BTAF1: variants seen among roughly 807,000 people sequenced by gnomAD.
BTAF1 encodes the protein TATA-binding protein-associated factor 172.
Under a neutral mutation model 227.1 loss-of-function variants are expected in BTAF1, and 38 were observed. The observed-to-expected ratio is 0.17, with a 90% CI of 0.13 to 0.22. The LOEUF (loss-of-function observed/expected upper bound fraction) is 0.22, where lower values mean the gene tolerates loss of function less well. BTAF1 is among the 10% of genes least tolerant of loss of function. The pLI is 1.00. For missense variants in BTAF1, 1,598 were observed against 2,204.0 expected (o/e 0.73, Z 5.51); for synonymous variants, 742 against 751.9 (o/e 0.99, Z 0.21).
At chr10:91,973,502 C>A (rs1847457684) in intron 14 of BTAF1, among the ~76,000 whole-genome samples, 1 of 152,046 alleles carries the variant, frequency 6.6e-6, no homozygotes, top group African/African-American at 2.4e-5. Context: ...TAATAATAAT[C>A]TAAGCTGTTG....
rs1431814979 is a variant in BTAF1 at position 91,993,824 on chromosome 10, A to G, written c.3176A>G (p.Asn1059Ser). The stretch of plus-strand genomic sequence containing the variant: ...GATGCTATGGTTGGCCCATTGAGGA[A>G]TACAATCGACATAAATAATTTTGGT... ...LWDAMVGPLR[N>S]TIDINNFDGK... is the part of the protein sequence containing the mutation. The change falls in exon 22 of 38, where the codon AAT (asparagine) becomes AGT (serine). Residue 1059 changes from asparagine (N) to serine (S), a missense_variant. Asn to Ser is a conservative substitution (Grantham distance 46, BLOSUM62 1). Around this residue, in one of 10 missense-constraint regions of BTAF1, gnomAD observed 425 missense variants for 491.2 expected, o/e 0.87. Transcript: ENST00000265990. 5 of 1,597,152 alleles carry G rather than the reference A, an allele frequency of 3.1e-6. No individual in the cohort carries two copies. Among genetic ancestry groups the G allele is most frequent in the African/African-American group, 2.7e-5 (2 of 74,484 alleles).
intron 19 of BTAF1, among the ~76,000 whole-genome samples, chr10:91,985,714 C>T (rs59177816): frequency 2.0e-5 from 3 of 152,062 alleles, no homozygotes; most frequent in Non-Finnish European, 4.4e-5. Flanking sequence ...TCCTTGATGA[C>T]TAATATGTTG....
At chr10:91,943,081 A>G (rs1020496071) in intron 4 of BTAF1, among the ~76,000 whole-genome samples, 1 of 152,200 alleles carries the variant, frequency 6.6e-6, no homozygotes, top group Admixed American at 6.5e-5. Flanking sequence ...TGAGAGGCCA[A>G]GGTGGGTGGA....
At chr10:92,019,641 C>T (rs1850978890) in intron 34 of BTAF1, among the ~76,000 whole-genome samples, 1 of 152,178 alleles carries the variant, frequency 6.6e-6, no homozygotes, top group African/African-American at 2.4e-5. Flanking sequence ...ACCAGGGTTC[C>T]AGTTTCTTCA....
At chr10:91,935,888 C>T (rs1253495347) in intron 2 of BTAF1, 108 bp downstream of exon 2, 25 of 1,095,454 alleles carry the variant, frequency 2.3e-5, no homozygotes, top group South Asian at 1.4e-4. Flanking sequence ...AACATTTTTG[C>T]TATTTCTTTT....
Position 91,992,125 on chromosome 10 carries a change from C to T in BTAF1, c.2861C>T (p.Thr954Ile). The change falls in exon 21 of 38, where the codon ACC becomes ATC. Residue 954 changes from threonine to isoleucine, a missense_variant. Thr to Ile is a moderately conservative substitution (Grantham distance 89, BLOSUM62 -1). Around this residue, in one of 10 missense-constraint regions of BTAF1, gnomAD observed 425 missense variants for 491.2 expected, o/e 0.87. Coordinates refer to ENST00000265990, the MANE Select transcript of BTAF1 (RefSeq NM_003972.3). ...QSGQENSKGS[T>I]SEKDGMHHTV... ...TTAACTTTTTTCTTATTAGGATCCACCTCAGAAAAAGATGGAATGCACCAT... is the reference window on the plus strand; with the variant it reads ...TTAACTTTTTTCTTATTAGGATCCATCTCAGAAAAAGATGGAATGCACCAT... 1 of 1,564,882 alleles carries T rather than the reference C, an allele frequency of 6.4e-7. No individual in the cohort carries two copies. The highest frequency in any genetic ancestry group is 1.2e-5 in the South Asian group (1 of 83,032).
At position 92,024,693 on chromosome 10, in the gene BTAF1, A is replaced by AG. The variant is rs1209007251; in HGVS notation, c.4864-62dup. 2.4e-5 allele frequency: 32 copies of AG among 1,334,240 alleles called. No individual in the cohort carries two copies. In the Admixed American group the frequency reaches 4.9e-4, roughly 20 times the overall value. 82.7% of individuals were successfully genotyped at this position (1,334,240 alleles called of 1,614,324 possible). A position where few individuals can be genotyped will look rare whatever the true frequency, so the allele number is the denominator to read the frequency against. On this transcript the variant is annotated intron_variant, in intron 34 of 37. Transcript: ENST00000265990. ...TTCTTGCCACAGAGAGGAATGTCAC[A>AG]GTGAGATTAGTTTTCTGCTTTTATT...
chr10:92,014,643 T>C (rs963055117), intron 32 of BTAF1, among the ~76,000 whole-genome samples: 1 of 152,250 alleles, frequency 6.6e-6, no homozygotes, highest in African/African-American at 2.4e-5. Flanking sequence ...TGTCATGCTG[T>C]CCTCACAACA....
chr10:91,950,315 T>C (rs1379324898), intron 4 of BTAF1, among the ~76,000 whole-genome samples: 4 of 152,056 alleles, frequency 2.6e-5, no homozygotes, highest in African/African-American at 4.8e-5. Flanking sequence ...TCCCATCTTT[T>C]TAAGTACTGA....
In BTAF1 at chr10:92,030,698, TGTG is replaced by T. The variant is rs1851836589; in HGVS notation, c.*1766_*1768del. ...ACTTTCTGAGAGTTTAATCAAAAGG[TGTG>T]TATTTCTAGAAGGATGACTAGAAAA... On this transcript the variant is annotated 3_prime_UTR_variant, in exon 38 of 38. Coordinates refer to ENST00000265990, the MANE Select transcript of BTAF1 (RefSeq NM_003972.3). 1.3e-5 allele frequency among the ~76,000 whole-genome samples: 2 copies of T among 152,060 alleles called. No individual in the cohort carries two copies. Among genetic ancestry groups the T allele is most frequent in the Admixed American group, 1.3e-4 (2 of 15,252 alleles).
intron 34 of BTAF1, 24 bp from the exon 35 acceptor site, chr10:92,024,732 G>GTTTTTTTGGT (rs66512665): frequency 1.6e-6 from 2 of 1,268,016 alleles, no homozygotes; most frequent in Non-Finnish European, 2.2e-6. Context: ...CGCTTATGTA[G>GTTTTTTTGGT]TTTTTTTTTT....
chr10:91,972,626 C>T (rs1847385026), intron 14 of BTAF1, among the ~76,000 whole-genome samples: 1 of 152,148 alleles, frequency 6.6e-6, no homozygotes, highest in Non-Finnish European at 1.5e-5. Context: ...ATGCTTTTAT[C>T]TGTTATTGTA....
chr10:91,963,219 C>T (rs554137415), intron 12 of BTAF1, among the ~76,000 whole-genome samples: 7 of 152,034 alleles, frequency 4.6e-5, no homozygotes, highest in African/African-American at 1.7e-4. Context: ...CTGCCTCAGC[C>T]TCCTAAGTAG....
At position 91,992,249 on chromosome 10, in the gene BTAF1, A is replaced by G; in HGVS notation, c.2985A>G (p.Lys995=). ...SRRGPTPKAV[K]AQIADLPAGS... ...GAGGTCCTACCCCCAAAGCAGTAAAAGCTCAAATAGCAGATCTTCCTGCAG... is the reference window on the plus strand; with the variant it reads ...GAGGTCCTACCCCCAAAGCAGTAAAGGCTCAAATAGCAGATCTTCCTGCAG... Residue 995 remains lysine (K), a synonymous_variant, in exon 21 of 38, where the codon AAA becomes AAG. Coordinates refer to ENST00000265990, the MANE Select transcript of BTAF1 (RefSeq NM_003972.3). 1 of 1,613,970 alleles carries G rather than the reference A, an allele frequency of 6.2e-7. No individual in the cohort carries two copies. Among genetic ancestry groups the G allele is most frequent in the African/African-American group, 1.3e-5 (1 of 75,020 alleles).
chr10:92,020,701 A>C (rs529709812), intron 34 of BTAF1, among the ~76,000 whole-genome samples: 88 of 152,296 alleles, frequency 5.8e-4, no homozygotes, highest in Admixed American at 9.2e-4. Flanking sequence ...TTCTTGTTTG[A>C]CCAAACCTTG....
chr10:91,969,130 T>C (rs1564682052), intron 14 of BTAF1, among the ~76,000 whole-genome samples: 1 of 151,822 alleles, frequency 6.6e-6, no homozygotes, highest in Non-Finnish European at 1.5e-5. Flanking sequence ...TGTTTTCTTA[T>C]TGTTGAATTT....
chr10:91,981,512 CTATATTGAATTTCTAAAT>C, intron 15 of BTAF1, 113 bp from the exon 16 acceptor site: 1 of 960,812 alleles, frequency 1.0e-6, no homozygotes, highest in Non-Finnish European at 1.5e-6. Context: ...AAATAAGCCT[CTATATTGAATTTCTAAAT>C]TAATCTCTGT....
chr10:91,968,083 C>G (rs1422386579), intron 14 of BTAF1, among the ~76,000 whole-genome samples: 1 of 152,160 alleles, frequency 6.6e-6, no homozygotes, highest in Non-Finnish European at 1.5e-5. Context: ...TTCGTTCACT[C>G]TTCTGTACAT....
chr10:92,008,029 T>A, intron 25 of BTAF1, 94 bp from the exon 26 acceptor site: 1 of 1,186,684 alleles, frequency 8.4e-7, no homozygotes, highest in Non-Finnish European at 1.2e-6. Flanking sequence ...ATTTTCAGAA[T>A]TCTTTTTTCT....
Sources: gnomAD v4.1 joint callset for allele counts (sites outside exome capture counted in the v4.1 genomes callset) on GRCh38, gnomAD v4.1.1 for gene constraint, gnomAD v4.1.1 regional missense constraint, MANE v1.5 for transcripts, NCBI Gene and HGNC (gene_info 2026-07-23, HGNC 2026-07-21) for gene names.